Variants in DDX24 observed in about 807,000 individuals in gnomAD.
DDX24 encodes DEAD-box helicase 24, also known as ATP-dependent RNA helicase DDX24.
DDX24 carries 24 observed loss-of-function variants against 68.9 expected under a neutral mutation model. That is an observed-to-expected ratio of 0.35 (90% CI 0.25 to 0.49). The LOEUF is 0.49. Ranked by LOEUF, DDX24 falls within the 20% of genes least tolerant of loss-of-function variation. DDX24 has a pLI of 0.99. For missense variants in DDX24, 989 were observed against 1,039.0 expected (o/e 0.95, Z 0.66); for synonymous variants, 395 against 385.2 (o/e 1.03, Z -0.30).
rs367544461 is a variant in DDX24, at chr14:94,052,947, G to A, written c.2308+51C>T. The A allele has an allele frequency of 5.8e-5, 92 of 1,576,096 alleles. No individual in the cohort carries two copies. In the African/African-American group the frequency reaches 7.9e-4, roughly 14 times the overall value. On this transcript the variant is annotated intron_variant, in intron 8 of 8. Coordinates refer to ENST00000621632, the MANE Select transcript of DDX24 (RefSeq NM_020414.4). ...TAGAGATGGTTCCAACAAAGCAAAA[G>A]TTAAAGAGAGATTTCAACTTCCTCA...
chr14:94,061,205 C>T, intron 3 of DDX24, 139 bp from the exon 4 acceptor site: 1 of 974,632 alleles, frequency 1.0e-6, no homozygotes, highest in Non-Finnish European at 1.5e-6. Context: ...AAGAGCAGGC[C>T]TGGCCAGACT....
intron 2 of DDX24, among the ~76,000 whole-genome samples, chr14:94,074,914 T>C (rs1312193473): frequency 2.0e-5 from 3 of 152,144 alleles, no homozygotes; most frequent in Non-Finnish European, 2.9e-5. Flanking sequence ...CCATTTACAA[T>C]AGAATCAAAA....
At chr14:94,064,184 A>C (rs1885651734) in intron 2 of DDX24, among the ~76,000 whole-genome samples, 1 of 152,222 alleles carries the variant, frequency 6.6e-6, no homozygotes, top group Non-Finnish European at 1.5e-5. Context: ...AGCTAATAAG[A>C]CAACAAAAAA....
At chr14:94,076,404 C>T (rs1056915983) in intron 2 of DDX24, among the ~76,000 whole-genome samples, 8 of 151,988 alleles carry the variant, frequency 5.3e-5, no homozygotes, top group East Asian at 1.9e-4. Flanking sequence ...CAAATTAGGC[C>T]GGGGACAGTG....
intron 2 of DDX24, among the ~76,000 whole-genome samples, chr14:94,074,753 T>C (rs573239616): frequency 6.6e-6 from 1 of 152,304 alleles, no homozygotes; most frequent in Admixed American, 6.5e-5. Context: ...CATCCAAGAC[T>C]GGATAATGAT....
At chr14:94,077,870 TAAAAA>T (rs34265498) in intron 2 of DDX24, among the ~76,000 whole-genome samples, 14 of 145,042 alleles carry the variant, frequency 9.7e-5, no homozygotes, top group African/African-American at 3.3e-4. Flanking sequence ...GAAAATTTAG[TAAAAA>T]AAAAAAAAAG....
At position 94,050,305 on chromosome 14, in the gene DDX24, G is replaced by A. The variant is rs1462364414; in HGVS notation, c.*886C>T. On this transcript the variant is annotated 3_prime_UTR_variant, in exon 9 of 9. Coordinates refer to ENST00000621632, the MANE Select transcript of DDX24 (RefSeq NM_020414.4). ...ACAGCATGGCAAGTGCTATGAAGAG[G>A]GTAAGCACGGGACACTAAGGGAGCC... 2 of 152,262 alleles carry A rather than the reference G, an allele frequency of 1.3e-5. No individual in the cohort carries two copies. The highest frequency in any genetic ancestry group is 1.9e-4 in the East Asian group (1 of 5,194). The allele number at this position is 152,262 out of a possible 1,614,324, so 9.4% of individuals were successfully genotyped here.
At chr14:94,053,357 T>TA in intron 7 of DDX24, 1 of 219,062 alleles carries the variant, frequency 4.6e-6, no homozygotes, top group Non-Finnish European at 8.1e-6. Context: ...CTAGGTAATT[T>TA]CTTTTTTTTT....
chr14:94,051,931 C>G (rs10146741), intron 8 of DDX24: 3,239 of 154,742 alleles, frequency 0.021, 105 homozygotes, highest in African/African-American at 0.074. Context: ...TAGCCCAGCT[C>G]TCCTATGCCT....
chr14:94,076,392 C>T (rs532054656), intron 2 of DDX24, among the ~76,000 whole-genome samples: 42 of 152,104 alleles, frequency 2.8e-4, no homozygotes, highest in Non-Finnish European at 5.0e-4. Context: ...TTCTAGAAAA[C>T]GCAAATTAGG....
chr14:94,054,177 C>T (rs1211495153), intron 7 of DDX24, among the ~76,000 whole-genome samples: 3 of 152,236 alleles, frequency 2.0e-5, no homozygotes, highest in African/African-American at 7.2e-5. Context: ...TGAGAAGGAT[C>T]TTGTGATGTG....
chr14:94,060,369 G>A lies in DDX24; in HGVS notation c.1642C>T (p.Pro548Ser). Residue 548 changes from proline (P) to serine (S), a missense_variant, in exon 5 of 9, where the codon CCC becomes TCC. Physicochemically the swap from Pro to Ser is moderately conservative, Grantham distance 74. Coordinates refer to ENST00000621632, the MANE Select transcript of DDX24 (RefSeq NM_020414.4). ...LMQKIGMRGK[P>S]KVIDLTRNEA... ...TTCCTTGTGAGGTCAATGACCTTGG[G>A]CTTGCCCCTCATGCCAATTTTCTGC... is the stretch of plus-strand genomic sequence containing the variant. The A allele has an allele frequency of 1.2e-6, 2 of 1,614,162 alleles. No homozygotes were observed. The highest frequency in any genetic ancestry group is 1.7e-6 in the Non-Finnish European group (2 of 1,180,036).
chr14:94,075,383 C>A (rs568800699), intron 2 of DDX24, among the ~76,000 whole-genome samples: 1 of 152,236 alleles, frequency 6.6e-6, no homozygotes, highest in African/African-American at 2.4e-5. Flanking sequence ...AACAAAGATG[C>A]AAAGTCAACT....
chr14:94,057,648 G>A, intron 6 of DDX24, 174 bp downstream of exon 6: 1 of 568,858 alleles, frequency 1.8e-6, no homozygotes, highest in Admixed American at 3.6e-5. Context: ...AGGTTTTCTG[G>A]AGACCAAATC....
chr14:94,056,134 C>T (rs1433718620), intron 6 of DDX24: 1 of 152,080 alleles, frequency 6.6e-6, no homozygotes, highest in East Asian at 1.9e-4. Context: ...CAGCTCCTTC[C>T]CCAAAAAAGG....
chr14:94,073,535 G>A (rs1344483062), intron 2 of DDX24, among the ~76,000 whole-genome samples: 2 of 151,764 alleles, frequency 1.3e-5, no homozygotes, highest in African/African-American at 2.4e-5. Flanking sequence ...CAATAAAGCT[G>A]GACTGGCTGC....
At chr14:94,063,286 T>G (rs187206378) in intron 2 of DDX24, among the ~76,000 whole-genome samples, 1 of 151,924 alleles carries the variant, frequency 6.6e-6, no homozygotes, top group Admixed American at 6.5e-5. Flanking sequence ...AAAAATAAGA[T>G]ACTATAAGGA....
At chr14:94,078,900 C>T (rs1885998546) in intron 2 of DDX24, 125 bp downstream of exon 2, 1 of 1,069,362 alleles carries the variant, frequency 9.4e-7, no homozygotes, top group Non-Finnish European at 1.4e-6. Context: ...CTTCTAAACA[C>T]CTTTATTCAG....
At chr14:94,054,285 T>C (rs1303952258) in intron 7 of DDX24, among the ~76,000 whole-genome samples, 1 of 152,146 alleles carries the variant, frequency 6.6e-6, no homozygotes, top group East Asian at 1.9e-4. Context: ...TCCACCCTAT[T>C]TCCCCACACA....
Sources: gnomAD v4.1 joint callset for allele counts (sites outside exome capture counted in the v4.1 genomes callset) on GRCh38, gnomAD v4.1.1 for gene constraint, MANE v1.5 for transcripts, NCBI Gene and HGNC (gene_info 2026-07-23, HGNC 2026-07-21) for gene names.